The following OCA2 variants were observed in gnomAD, a reference collection of about 807,000 sequenced individuals.
OCA2 encodes the protein OCA2 melanosomal transmembrane protein.
A neutral mutation model predicts 100.2 loss-of-function variants in OCA2; 77 were observed. The ratio of observed to expected loss-of-function variants is 0.77; its 90% confidence interval spans 0.64 to 0.93. OCA2 has a LOEUF of 0.93. Ranked by LOEUF, OCA2 falls within the 40% of genes least tolerant of loss-of-function variation. The probability of loss-of-function intolerance (pLI) is 0.00; values close to 1 mark genes in which losing one functional copy is unlikely to be tolerated. For missense variants in OCA2, 1,062 were observed against 1,089.1 expected, an observed-to-expected ratio of 0.98 and a Z score of 0.35; for synonymous variants, 432 against 439.2, an observed-to-expected ratio of 0.98 and a Z score of 0.21.
At chr15:27,979,187 C>A (rs2041065495) in intron 14 of OCA2, among the ~76,000 whole-genome samples, 1 of 152,102 alleles carries the variant, frequency 6.6e-6, no homozygotes, top group African/African-American at 2.4e-5. Context: ...AGATTTTGCC[C>A]AACTATATGC....
intron 2 of OCA2, among the ~76,000 whole-genome samples, chr15:28,057,239 A>G (rs2043730282): frequency 6.6e-6 from 1 of 152,160 alleles, no homozygotes; most frequent in African/African-American, 2.4e-5. Flanking sequence ...AAACTATCCA[A>G]TTCTCCAGTG....
intron 2 of OCA2, among the ~76,000 whole-genome samples, chr15:28,075,050 T>G (rs2044389229): frequency 6.6e-6 from 1 of 152,156 alleles, no homozygotes; most frequent in South Asian, 2.1e-4. Context: ...ATGTAAAACC[T>G]AAAACTACAA....
At chr15:27,889,356 G>T (rs1458038734) in intron 19 of OCA2, among the ~76,000 whole-genome samples, 1 of 152,160 alleles carries the variant, frequency 6.6e-6, no homozygotes, top group African/African-American at 2.4e-5. Flanking sequence ...ACAGAAACAA[G>T]AACTGCAGCT....
chr15:27,871,138 GA>G lies in OCA2; in HGVS notation c.2244+15del. ...AGGCTAAAGTTGAGCCGTCGACATG[GA>G]CATGTGCAACTCACCATGGTAGCAG... On this transcript the variant is annotated intron_variant, in intron 21 of 23. Coordinates refer to ENST00000354638, the MANE Select transcript of OCA2 (RefSeq NM_000275.3). 6.3e-7 allele frequency: 1 copy of G among 1,593,522 alleles called. No individual in the cohort carries two copies. The highest frequency in any genetic ancestry group is 8.6e-7 in the Non-Finnish European group (1 of 1,161,172).
intron 2 of OCA2, among the ~76,000 whole-genome samples, chr15:28,061,008 C>T (rs1330714656): frequency 6.6e-6 from 1 of 152,202 alleles, no homozygotes; most frequent in East Asian, 1.9e-4. Flanking sequence ...ATCACAGCTT[C>T]CTGAGGCAGC....
At chr15:27,796,561 C>A (rs1041272637) in intron 23 of OCA2, among the ~76,000 whole-genome samples, 4 of 152,044 alleles carry the variant, frequency 2.6e-5, no homozygotes, top group African/African-American at 9.7e-5. Context: ...GTGCTGGTGT[C>A]CCCCAACAGG....
At position 27,851,757 on chromosome 15, in the gene OCA2, C is replaced by G. The variant is rs560958441; in HGVS notation, c.2245-282G>C. Among the ~76,000 whole-genome samples, 67 of 152,234 alleles carry G rather than the reference C, an allele frequency of 4.4e-4. 1 individual carries two copies. The South Asian group carries it at 0.013, about 29-fold the overall frequency. On this transcript the variant is annotated intron_variant, in intron 21 of 23. Coordinates refer to ENST00000354638, the MANE Select transcript of OCA2 (RefSeq NM_000275.3). ...GGGTAAAGGCACACAGAGTCTAACA[C>G]AGGGCCTGAGAACATGGCCATTAAA...
intron 23 of OCA2, among the ~76,000 whole-genome samples, chr15:27,824,018 C>T (rs543159946): frequency 5.3e-5 from 8 of 152,278 alleles, no homozygotes; most frequent in Admixed American, 2.6e-4. Flanking sequence ...GTTCTACTAT[C>T]GAAATGCATC....
intron 14 of OCA2, among the ~76,000 whole-genome samples, chr15:27,976,660 T>A (rs2040976955): frequency 6.6e-6 from 1 of 152,190 alleles, no homozygotes; most frequent in South Asian, 2.1e-4. Context: ...ACTAATTTTT[T>A]AAATATTAAA....
chr15:27,851,433 G>T lies in OCA2; in HGVS notation c.2287C>A (p.Leu763Met), dbSNP rs139837760. ...LNLSHDPEVG[L>M]PAPPLMYALA... ...GCATACATGAGCGGCGGTGCGGGCA[G>T]GCCAACCTCAGGGTCGTGGCTCAGG... Residue 763 changes from leucine (L) to methionine (M), a missense_variant, in exon 22 of 24, where the codon CTG becomes ATG. Physicochemically the swap from Leu to Met is conservative, Grantham distance 15. Transcript: ENST00000354638. 5.5e-5 allele frequency: 89 copies of T among 1,614,002 alleles called. No individual in the cohort carries two copies. In the African/African-American group the frequency reaches 1.1e-3, roughly 20 times the overall value.
At chr15:28,004,251 C>G (rs1489411940) in intron 9 of OCA2, among the ~76,000 whole-genome samples, 2 of 152,226 alleles carry the variant, frequency 1.3e-5, no homozygotes, top group Admixed American at 1.3e-4. Flanking sequence ...CCTGCGGCTC[C>G]GCCCCCTCTC....
chr15:27,722,790 C>CTCTCTCTCTCTCTT, the OCA2 span, among the ~76,000 whole-genome samples: 1 of 144,304 alleles, frequency 6.9e-6, no homozygotes, highest in South Asian at 2.2e-4. Flanking sequence ...TTCTCTCTCT[C>CTCTCTCTCTCTCTT]TCTCTCTCTC....
At chr15:28,055,397 A>C (rs1566846637) in intron 2 of OCA2, among the ~76,000 whole-genome samples, 1 of 152,198 alleles carries the variant, frequency 6.6e-6, no homozygotes, top group African/African-American at 2.4e-5. Context: ...AAGCAATTGC[A>C]CTGAGACTTC....
rs535426901 is a variant in OCA2 at position 28,019,508 on chromosome 15, C to T, written c.647-951G>A. 2.0e-5 allele frequency among the ~76,000 whole-genome samples: 3 copies of T among 152,236 alleles called. No individual in the cohort carries two copies. The South Asian group carries it at 6.2e-4, about 32-fold the overall frequency. ...CTTCTGAAATAGACCCTGCAACTACCGAACCGACACCGCCTGGCTGCTGCG... is the reference window on the plus strand; with the variant it reads ...CTTCTGAAATAGACCCTGCAACTACTGAACCGACACCGCCTGGCTGCTGCG... On this transcript the variant is annotated intron_variant, in intron 6 of 23. Transcript: ENST00000354638.
intron 23 of OCA2, among the ~76,000 whole-genome samples, chr15:27,767,705 C>T (rs912957632): frequency 2.6e-5 from 4 of 152,204 alleles, no homozygotes; most frequent in Non-Finnish European, 5.9e-5. Flanking sequence ...CCAATCAGCA[C>T]TCTGTAAAAT....
At chr15:27,790,156 A>G (rs558365361) in intron 23 of OCA2, among the ~76,000 whole-genome samples, 1 of 152,352 alleles carries the variant, frequency 6.6e-6, no homozygotes, top group African/African-American at 2.4e-5. Flanking sequence ...ACATAAATAC[A>G]TGTTCAACAT....
intron 14 of OCA2, among the ~76,000 whole-genome samples, chr15:27,971,471 C>T (rs1295695186): frequency 6.6e-6 from 1 of 152,112 alleles, no homozygotes; most frequent in African/African-American, 2.4e-5. Flanking sequence ...GCTGAAGGTG[C>T]AGTGGGTTGG....
At chr15:27,937,300 G>A (rs559268178) in intron 18 of OCA2, among the ~76,000 whole-genome samples, 42 of 152,182 alleles carry the variant, frequency 2.8e-4, no homozygotes, top group Non-Finnish European at 4.3e-4. Context: ...CCATTTGTCC[G>A]TTCTAGGGGT....
intron 2 of OCA2, among the ~76,000 whole-genome samples, chr15:28,073,786 T>C (rs1166080663): frequency 6.6e-6 from 1 of 152,208 alleles, no homozygotes; most frequent in Non-Finnish European, 1.5e-5. Flanking sequence ...ACACACTGTA[T>C]GATTTCATGT....
Sources: gnomAD v4.1 joint callset for allele counts (sites outside exome capture counted in the v4.1 genomes callset) on GRCh38, gnomAD v4.1.1 for gene constraint, MANE v1.5 for transcripts, NCBI Gene and HGNC (gene_info 2026-07-23, HGNC 2026-07-21) for gene names.